KIDINS220: variants seen among roughly 807,000 people sequenced by gnomAD.
KIDINS220 encodes kinase D-interacting substrate of 220 kDa.
A neutral mutation model predicts 157.6 loss-of-function variants in KIDINS220; 63 were observed. The observed-to-expected ratio is 0.40, with a 90% confidence interval of 0.33 to 0.49. The LOEUF (loss-of-function observed/expected upper bound fraction) is 0.49. Ranked by LOEUF, KIDINS220 falls within the 20% of genes least tolerant of loss-of-function variation. The pLI is 0.66. For missense variants in KIDINS220, 1,772 were observed against 2,171.2 expected, an observed-to-expected ratio of 0.82 and a Z score of 3.65; for synonymous variants, 732 against 783.6, an observed-to-expected ratio of 0.93 and a Z score of 1.10.
chr2:8,733,363 G>T, intron 29 of KIDINS220, 81 bp downstream of exon 29: 1 of 1,187,090 alleles, frequency 8.4e-7, no homozygotes, highest in Non-Finnish European at 1.2e-6. Context: ...CTGAATGACT[G>T]TCTAAATGCC....
chr2:8,776,121 G>A (rs1359868934), intron 21 of KIDINS220, among the ~76,000 whole-genome samples: 1 of 152,070 alleles, frequency 6.6e-6, no homozygotes, highest in African/African-American at 2.4e-5. Flanking sequence ...AACCTCACTT[G>A]GAATACAGTT....
At chr2:8,803,249 T>G in intron 7 of KIDINS220, 122 bp from the exon 8 acceptor site, 1 of 828,344 alleles carries the variant, frequency 1.2e-6, no homozygotes, top group Non-Finnish European at 1.8e-6. Flanking sequence ...GGCCTATTAT[T>G]GTCATTTCCA....
intron 22 of KIDINS220, among the ~76,000 whole-genome samples, chr2:8,769,626 C>T (rs910353977): frequency 2.0e-5 from 3 of 152,140 alleles, no homozygotes; most frequent in African/African-American, 7.2e-5. Context: ...ATTTTTAAAA[C>T]TTAAGTTTTA....
chr2:8,831,603 A>G (rs1457264596), intron 1 of KIDINS220, among the ~76,000 whole-genome samples: 1 of 152,134 alleles, frequency 6.6e-6, no homozygotes, highest in Non-Finnish European at 1.5e-5. Context: ...ATCTAGTTGT[A>G]GACTGCTCAC....
At chr2:8,794,883 C>T (rs1360197954) in intron 11 of KIDINS220, among the ~76,000 whole-genome samples, 2 of 152,138 alleles carry the variant, frequency 1.3e-5, no homozygotes, top group Non-Finnish European at 2.9e-5. Context: ...ATCTTCTAGA[C>T]TCTCCTCTCA....
intron 26 of KIDINS220, among the ~76,000 whole-genome samples, chr2:8,744,424 ATATATATATATATATATATATG>A: frequency 1.1e-5 from 1 of 93,822 alleles, no homozygotes; most frequent in Non-Finnish European, 2.1e-5. Flanking sequence ...ATATATATAT[ATATATATATATATATATATATG>A]GGATCATCTC....
intron 11 of KIDINS220, among the ~76,000 whole-genome samples, chr2:8,796,007 T>G (rs942088948): frequency 2.6e-5 from 4 of 152,236 alleles, no homozygotes; most frequent in Non-Finnish European, 5.9e-5. Flanking sequence ...GGTGCTTTTA[T>G]GTTTTAAAAT....
chr2:8,744,147 T>C (rs993084994), intron 26 of KIDINS220, among the ~76,000 whole-genome samples: 1 of 145,270 alleles, frequency 6.9e-6, no homozygotes, highest in African/African-American at 2.5e-5. Context: ...TATATATTAA[T>C]ATAATTATTT....
intron 2 of KIDINS220, among the ~76,000 whole-genome samples, chr2:8,825,367 C>A (rs533995737): frequency 1.2e-3 from 2 of 1,662 alleles, no homozygotes; most frequent in Non-Finnish European, 3.6e-3. Flanking sequence ...AGTGAGACTC[C>A]GTCTCAAAAA....
chr2:8,806,607 G>A (rs934563878), intron 6 of KIDINS220, among the ~76,000 whole-genome samples: 3 of 152,114 alleles, frequency 2.0e-5, no homozygotes, highest in African/African-American at 7.2e-5. Flanking sequence ...TTGAGACAGA[G>A]TCTCACTCTG....
Position 8,731,025 on chromosome 2 carries a change from G to C in KIDINS220, c.5011C>G (p.Gln1671Glu). ...SSPEENWPACQKAYNLNRTPS... is the reference protein window; with the variant it reads ...SSPEENWPACEKAYNLNRTPS... The stretch of plus-strand genomic sequence containing the variant: ...GTTCGGTTCAGGTTGTAGGCTTTCT[G>C]GCATGCAGGCCAGTTTTCTTCAGGG... Residue 1671 changes from glutamine to glutamate, a missense_variant, in exon 30 of 30, where the codon CAG becomes GAG. Coordinates refer to ENST00000256707, the MANE Select transcript of KIDINS220 (RefSeq NM_020738.4). The surrounding 1 kb of genome is among the most constrained non-coding windows in gnomAD (Gnocchi z 5.2). The C allele has an allele frequency of 6.2e-7, 1 of 1,614,194 alleles. No homozygotes were observed.
intron 11 of KIDINS220, among the ~76,000 whole-genome samples, chr2:8,794,681 T>G (rs1161184969): frequency 6.6e-6 from 1 of 152,204 alleles, no homozygotes; most frequent in East Asian, 1.9e-4. Flanking sequence ...CATCCAACAC[T>G]AATGAAAGCT....
chr2:8,739,766 A>T (rs376166904), intron 26 of KIDINS220, among the ~76,000 whole-genome samples: 4 of 152,318 alleles, frequency 2.6e-5, no homozygotes, highest in African/African-American at 9.6e-5. Context: ...ATTTGTTAAA[A>T]TTTTTTTATG....
rs541446973 is a variant in KIDINS220 at position 8,731,620 on chromosome 2, G to C, written c.4416C>G (p.Pro1472=). The change falls in exon 30 of 30, where the codon CCC becomes CCG. Residue 1472 remains proline, a synonymous_variant. Transcript: ENST00000256707. The surrounding 1 kb of genome is among the most constrained non-coding windows in gnomAD (Gnocchi z 5.2). ...SSGVSTNDAS[P]LDPITEEDEK... is the part of the protein sequence containing the mutation. ...CATCTTCTTCAGTGATAGGATCCAG[G>C]GGGGAAGCATCGTTGGTGGAAACCC... 3.4e-5 allele frequency: 55 copies of C among 1,614,142 alleles called. 1 individual carries two copies. In the African/African-American group the frequency reaches 4.1e-4, roughly 12 times the overall value.
chr2:8,750,655 C>T (rs1467214797), intron 23 of KIDINS220, among the ~76,000 whole-genome samples: 2 of 152,168 alleles, frequency 1.3e-5, no homozygotes, highest in East Asian at 3.8e-4. Context: ...TACTTTTATT[C>T]ATAACGTTAT....
intron 13 of KIDINS220, among the ~76,000 whole-genome samples, chr2:8,790,336 A>G (rs746359271): frequency 1.8e-4 from 28 of 152,136 alleles, no homozygotes; most frequent in South Asian, 4.1e-4. Context: ...ATCTGTCAAG[A>G]TTTTCTTGAG....
chr2:8,786,742 T>C (rs1414701059), intron 15 of KIDINS220, among the ~76,000 whole-genome samples: 2 of 152,148 alleles, frequency 1.3e-5, no homozygotes, highest in African/African-American at 4.8e-5. Context: ...AAGAAAGTTT[T>C]CTAACACCAA....
Position 8,822,663 on chromosome 2 carries a change from A to G in KIDINS220, c.109-3870T>C, listed in dbSNP as rs548622225. Among the ~76,000 whole-genome samples the G allele has an allele frequency of 9.2e-5, 14 of 152,368 alleles. 1 individual carries two copies. In the South Asian group the frequency reaches 2.7e-3, roughly 29 times the overall value. The stretch of plus-strand genomic sequence containing the variant: ...AATAAAATAAAGTTTACTCATAAAC[A>G]TACAGCAAAATCCATTGTTTAAAGT... On this transcript the variant is annotated intron_variant, in intron 2 of 29. Transcript: ENST00000256707.
chr2:8,760,499 T>C (rs1375412662), intron 22 of KIDINS220, among the ~76,000 whole-genome samples: 1 of 152,192 alleles, frequency 6.6e-6, no homozygotes, highest in African/African-American at 2.4e-5. Flanking sequence ...TAAAACAATA[T>C]TCCCAATCAA....
Sources: gnomAD v4.1 joint callset for allele counts (sites outside exome capture counted in the v4.1 genomes callset) on GRCh38, gnomAD v4.1.1 for gene constraint, Gnocchi (gnomAD v3.1) non-coding constraint, MANE v1.5 for transcripts, NCBI Gene and HGNC (gene_info 2026-07-23, HGNC 2026-07-21) for gene names.